The following GLG1 variants were observed in gnomAD, a reference collection of about 807,000 sequenced individuals.
The protein encoded by GLG1 is Golgi apparatus protein 1.
A neutral mutation model predicts 160.5 loss-of-function variants in GLG1; 38 were observed. That is an observed-to-expected ratio of 0.24 (90% CI 0.18 to 0.31). GLG1 has a LOEUF of 0.31. Ranked by LOEUF, GLG1 falls within the 10% of genes least tolerant of loss-of-function variation. The probability of loss-of-function intolerance (pLI) is 1.00; values close to 1 mark genes in which losing one functional copy is unlikely to be tolerated. For missense variants in GLG1, 1,373 were observed against 1,505.2 expected (o/e 0.91, Z 1.45); for synonymous variants, 644 against 543.4 (o/e 1.19, Z -2.57).
At chr16:74,484,063 T>C (rs1189107529) in intron 9 of GLG1, among the ~76,000 whole-genome samples, 3 of 152,160 alleles carry the variant, frequency 2.0e-5, no homozygotes, top group African/African-American at 7.2e-5. Context: ...GTAGCAGTTC[T>C]TCCTTCTTCC....
At chr16:74,487,054 C>T (rs1337880925) in intron 8 of GLG1, among the ~76,000 whole-genome samples, 2 of 151,826 alleles carry the variant, frequency 1.3e-5, no homozygotes, top group Admixed American at 6.6e-5. Flanking sequence ...GCTGGGACTA[C>T]GGGCATGTAC....
At chr16:74,466,831 A>G (rs538734736) in intron 18 of GLG1, among the ~76,000 whole-genome samples, 172 of 152,278 alleles carry the variant, frequency 1.1e-3, no homozygotes, top group African/African-American at 3.7e-3. Flanking sequence ...AGTTACCTAA[A>G]ATGTAGTACA....
At chr16:74,603,301 T>C (rs2143922768) in intron 1 of GLG1, among the ~76,000 whole-genome samples, 1 of 151,338 alleles carries the variant, frequency 6.6e-6, no homozygotes, top group East Asian at 2.0e-4. Context: ...TCCCAGCTAC[T>C]TGGGACGCTG....
intron 1 of GLG1, among the ~76,000 whole-genome samples, chr16:74,590,735 T>C (rs1958159187): frequency 1.4e-5 from 2 of 143,848 alleles, no homozygotes; most frequent in Non-Finnish European, 3.0e-5. Context: ...AGGCAGAGGC[T>C]GCAGTGAGCC....
intron 2 of GLG1, among the ~76,000 whole-genome samples, chr16:74,531,807 T>G (rs1230705465): frequency 6.6e-6 from 1 of 152,226 alleles, no homozygotes; most frequent in Non-Finnish European, 1.5e-5. Context: ...AAGATGACTG[T>G]GTGATAAGTA....
At chr16:74,578,339 GCA>G (rs1957861878) in intron 1 of GLG1, among the ~76,000 whole-genome samples, 1 of 152,072 alleles carries the variant, frequency 6.6e-6, no homozygotes, top group Non-Finnish European at 1.5e-5. Context: ...TTGTGGCACC[GCA>G]CAGTCCATTT....
chr16:74,565,709 C>G (rs2018636382), intron 1 of GLG1, among the ~76,000 whole-genome samples: 1 of 152,220 alleles, frequency 6.6e-6, no homozygotes, highest in Non-Finnish European at 1.5e-5. Context: ...CTCAACCTTT[C>G]CTGGTTCGAG....
intron 2 of GLG1, among the ~76,000 whole-genome samples, chr16:74,519,291 C>G (rs2017083138): frequency 6.8e-6 from 1 of 147,430 alleles, no homozygotes; most frequent in Non-Finnish European, 1.5e-5. Context: ...ACAATGACAA[C>G]ACATGGTCAC....
chr16:74,480,358 G>A lies in GLG1; in HGVS notation c.1710C>T (p.Asp570=), dbSNP rs138266921. The A allele has an allele frequency of 3.2e-4, 512 of 1,613,472 alleles. No individual in the cohort carries two copies. The highest frequency in any genetic ancestry group is 6.6e-4 in the Middle Eastern group (4 of 6,060). The change falls in exon 11 of 26, where the codon GAC becomes GAT. Residue 570 remains aspartate, a synonymous_variant. Transcript: ENST00000422840. The stretch of plus-strand genomic sequence containing the variant: ...CGTGGGTGTGGCAAAGACGAGAAGC[G>A]TCTCCCTGGCACTTGCGGTACAGGA... ...DPVLYRKCQG[D]ASRLCHTHGW...
At position 74,482,978 on chromosome 16, in the gene GLG1, G is replaced by A. The variant is rs12447104; in HGVS notation, c.1673+45C>T. ...TACAGGTAATTATGACTACACAGGAGAAGAGGCTGAGGCAATACATTTACT... is the reference window on the plus strand; with the variant it reads ...TACAGGTAATTATGACTACACAGGAAAAGAGGCTGAGGCAATACATTTACT... On this transcript the variant is annotated intron_variant, in intron 10 of 25. Coordinates refer to ENST00000422840, the MANE Select transcript of GLG1 (RefSeq NM_001145667.2). 31 of 974,202 alleles carry A rather than the reference G, an allele frequency of 3.2e-5. No individual in the cohort carries two copies. In the Admixed American group the frequency reaches 5.3e-4, roughly 17 times the overall value. 60.3% of individuals were successfully genotyped at this position (974,202 alleles called of 1,614,324 possible).
intron 2 of GLG1, among the ~76,000 whole-genome samples, chr16:74,512,152 T>C (rs2016829288): frequency 1.5e-5 from 2 of 137,530 alleles, no homozygotes; most frequent in Non-Finnish European, 3.2e-5. Flanking sequence ...CTTTCTGGTC[T>C]TTTATTTCTT....
At chr16:74,466,065 C>T (rs2014989099) in intron 18 of GLG1, among the ~76,000 whole-genome samples, 1 of 152,168 alleles carries the variant, frequency 6.6e-6, no homozygotes, top group African/African-American at 2.4e-5. Context: ...AACACACCCA[C>T]GATTTCTGGT....
intron 1 of GLG1, 147 bp downstream of exon 1, chr16:74,606,510 T>A: frequency 1.6e-6 from 1 of 606,174 alleles, no homozygotes; most frequent in Non-Finnish European, 2.7e-6. Flanking sequence ...TGAAAGCGCC[T>A]GGGAGTGAGG....
intron 4 of GLG1, among the ~76,000 whole-genome samples, chr16:74,499,971 C>A (rs2016348049): frequency 6.6e-6 from 1 of 152,124 alleles, no homozygotes; most frequent in South Asian, 2.1e-4. Flanking sequence ...CCACTGCACT[C>A]CAGCCTGGGC....
chr16:74,448,010 G>A lies in GLG1; in HGVS notation c.*5157C>T, dbSNP rs974180253. ...TGTGTCCTGGTGGAGCAGAGGGAGC[G>A]GGAGAGGACCACGGGTCAGGATCCT... On this transcript the variant is annotated 3_prime_UTR_variant, in exon 26 of 26. Transcript: ENST00000422840. 7.9e-5 allele frequency: 12 copies of A among 152,396 alleles called. No individual in the cohort carries two copies. The highest frequency in any genetic ancestry group is 1.6e-4 in the Non-Finnish European group (11 of 68,190). 9.4% of individuals were successfully genotyped at this position (152,396 alleles called of 1,614,324 possible). A position where few individuals can be genotyped will look rare whatever the true frequency, so the allele number is the denominator to read the frequency against.
At chr16:74,505,625 C>G (rs909323397) in intron 3 of GLG1, among the ~76,000 whole-genome samples, 46 of 152,124 alleles carry the variant, frequency 3.0e-4, no homozygotes, top group Non-Finnish European at 6.3e-4. Flanking sequence ...GAGGCTGAGG[C>G]AGGTGGACTG....
Position 74,453,227 on chromosome 16 carries a change from C to T in GLG1, c.3480G>A (p.Leu1160=). Residue 1160 remains leucine, a synonymous_variant, in exon 26 of 26, where the codon CTG becomes CTA. Coordinates refer to ENST00000422840, the MANE Select transcript of GLG1 (RefSeq NM_001145667.2). ...TGATCCGTCCACACATCAGGCCAAT[C>T]AGGAACAATATACAGATGCTCCCAC... The part of the protein sequence containing the change: ...VISGSICILF[L]IGLMCGRITK... The T allele has an allele frequency of 6.2e-7, 1 of 1,613,990 alleles. No individual in the cohort carries two copies. Among genetic ancestry groups the T allele is most frequent in the Non-Finnish European group, 8.5e-7 (1 of 1,179,906 alleles).
At chr16:74,587,005 CTCTT>C (rs10594428) in intron 1 of GLG1, among the ~76,000 whole-genome samples, 107,388 of 151,510 alleles carry the variant, frequency 0.71, 38,649 homozygotes, top group African/African-American at 0.83. Context: ...TCATTAATCT[CTCTT>C]TCTAACAAAT....
intron 18 of GLG1, among the ~76,000 whole-genome samples, chr16:74,466,614 T>C (rs1444862731): frequency 2.6e-5 from 4 of 152,048 alleles, no homozygotes; most frequent in African/African-American, 2.4e-5. Flanking sequence ...AAAGGGGTAA[T>C]AGAGCAATCA....
Sources: gnomAD v4.1 joint callset for allele counts (sites outside exome capture counted in the v4.1 genomes callset) on GRCh38, gnomAD v4.1.1 for gene constraint, MANE v1.5 for transcripts, NCBI Gene and HGNC (gene_info 2026-07-23, HGNC 2026-07-21) for gene names.